Variants in ASCC2 observed in about 807,000 individuals in gnomAD.
ASCC2 encodes the protein ASC-1 complex subunit P100.
In ASCC2, 42 loss-of-function variants were observed where a neutral mutation model predicts 93.5. The observed-to-expected ratio is 0.45, with a 90% CI of 0.35 to 0.58. The LOEUF is 0.58. Ranked by LOEUF, ASCC2 falls within the 20% of genes least tolerant of loss-of-function variation. The probability of loss-of-function intolerance (pLI) is 0.00; values close to 1 mark genes in which losing one functional copy is unlikely to be tolerated. For synonymous variants in ASCC2, 364 were observed against 384.2 expected (o/e 0.95, Z 0.62); for missense variants, 859 against 977.6 (o/e 0.88, Z 1.62).
chr22:29,821,379 G>A (rs2061535854), intron 5 of ASCC2, among the ~76,000 whole-genome samples: 2 of 152,232 alleles, frequency 1.3e-5, no homozygotes, highest in African/African-American at 4.8e-5. Flanking sequence ...GAAGCAGGGA[G>A]TTGCAGAGCA....
intron 9 of ASCC2, among the ~76,000 whole-genome samples, chr22:29,807,796 C>A (rs1054980603): frequency 4.6e-5 from 7 of 152,082 alleles, no homozygotes; most frequent in Non-Finnish European, 1.0e-4. Flanking sequence ...ATAATCCCAG[C>A]TACTCGGGAG....
chr22:29,808,872 A>G (rs974440700), intron 8 of ASCC2, among the ~76,000 whole-genome samples: 3 of 151,648 alleles, frequency 2.0e-5, no homozygotes, highest in African/African-American at 7.3e-5. Flanking sequence ...TAATCCTAGC[A>G]CTCTGGGAGA....
At position 29,789,143 on chromosome 22, in the gene ASCC2, C is replaced by T. The variant is rs746904268; in HGVS notation, c.2144G>A (p.Arg715Gln). Residue 715 changes from arginine to glutamine, a missense_variant, in exon 20 of 20, where the codon CGA (arginine) becomes CAA (glutamine). Physicochemically the swap from Arg to Gln is conservative, Grantham distance 43. Coordinates refer to ENST00000307790, the MANE Select transcript of ASCC2 (RefSeq NM_032204.5). ...TGTCTCGCGGCTCTGCCCATGGCCT[C>T]GGGGGCTGCCGGCCACTGCTGTTGA... ...DSSTAVAGSP[R>Q]GHGQSRETTQ... 8.1e-6 allele frequency: 13 copies of T among 1,614,146 alleles called. No homozygotes were observed. The highest frequency in any genetic ancestry group is 3.3e-5 in the South Asian group (3 of 91,090).
At chr22:29,790,395 T>G (rs2068857701) in intron 19 of ASCC2, 74 bp downstream of exon 19, 2 of 1,516,174 alleles carry the variant, frequency 1.3e-6, no homozygotes, top group Admixed American at 3.4e-5. Flanking sequence ...ACGTGTGGGT[T>G]TCCTGGGTGG....
At position 29,788,887 on chromosome 22, in the gene ASCC2, C is replaced by T; in HGVS notation, c.*126G>A. 1 of 1,210,522 alleles carries T rather than the reference C, an allele frequency of 8.3e-7. No individual in the cohort carries two copies. The highest frequency in any genetic ancestry group is 1.2e-6 in the Non-Finnish European group (1 of 849,632). 75.0% of individuals were successfully genotyped at this position (1,210,522 alleles called of 1,614,324 possible). ...AGATGAGAGGCGGCCTTCTCAGGGG[C>T]TGCAAAGCTGAGGCTGTTGAGGGGT... On this transcript the variant is annotated 3_prime_UTR_variant, in exon 20 of 20. Coordinates refer to ENST00000307790, the MANE Select transcript of ASCC2 (RefSeq NM_032204.5).
intron 15 of ASCC2, among the ~76,000 whole-genome samples, chr22:29,797,312 C>T (rs1370492831): frequency 6.6e-6 from 1 of 152,196 alleles, no homozygotes; most frequent in Non-Finnish European, 1.5e-5. Context: ...TCTCCTCAAG[C>T]CTGTCCTTCA....
intron 15 of ASCC2, among the ~76,000 whole-genome samples, chr22:29,795,656 C>T (rs973020740): frequency 2.0e-5 from 3 of 152,158 alleles, no homozygotes; most frequent in African/African-American, 4.8e-5. Flanking sequence ...ACTCTGGTCA[C>T]GTTACAGGTG....
At chr22:29,822,033 C>G (rs1287895939) in intron 5 of ASCC2, 1 of 401,712 alleles carries the variant, frequency 2.5e-6, no homozygotes, top group East Asian at 7.2e-5. Flanking sequence ...CTTGCTCCAT[C>G]TCAAACACTG....
intron 8 of ASCC2, chr22:29,809,952 T>C (rs1335408316): frequency 1.3e-5 from 2 of 152,152 alleles, no homozygotes; most frequent in African/African-American, 2.4e-5. Flanking sequence ...TGTCACGGTA[T>C]ACAGCCAATC....
At chr22:29,812,396 A>G (rs2060375441) in intron 8 of ASCC2, among the ~76,000 whole-genome samples, 1 of 152,194 alleles carries the variant, frequency 6.6e-6, no homozygotes, top group African/African-American at 2.4e-5. Flanking sequence ...CACAAGCAAC[A>G]GATACTCTTG....
intron 5 of ASCC2, among the ~76,000 whole-genome samples, chr22:29,821,592 C>T (rs997811110): frequency 2.6e-5 from 4 of 152,250 alleles, no homozygotes; most frequent in East Asian, 1.9e-4. Context: ...GCCAGGTCCC[C>T]GGAACACTCT....
chr22:29,822,456 G>A lies in ASCC2; in HGVS notation c.420C>T (p.Phe140=), dbSNP rs1188867003. Residue 140 remains phenylalanine (F), a synonymous_variant, in exon 5 of 20, where the codon TTC becomes TTT. Transcript: ENST00000307790. ...MSTHKESKDH[F]ISPSAFGEIL... is the part of the protein sequence containing the mutation. Reference sequence around the variant, plus strand: ...TTTCTCCAAACGCAGAAGGGGAAATGAAGTGATCCTAAGGAAAAATGCAGA... The same window carrying A: ...TTTCTCCAAACGCAGAAGGGGAAATAAAGTGATCCTAAGGAAAAATGCAGA... 1 of 1,613,610 alleles carries A rather than the reference G, an allele frequency of 6.2e-7. No individual in the cohort carries two copies. The highest frequency in any genetic ancestry group is 8.5e-7 in the Non-Finnish European group (1 of 1,179,844).
At chr22:29,809,865 A>C (rs1331105379) in intron 8 of ASCC2, 1 of 152,136 alleles carries the variant, frequency 6.6e-6, no homozygotes, top group Non-Finnish European at 1.5e-5. Flanking sequence ...AAAAAAAACA[A>C]AAGAAAAACA....
rs765501010 is a variant in ASCC2, at chr22:29,814,731, C to A, written c.646G>T (p.Gly216Trp). The A allele has an allele frequency of 6.2e-7, 1 of 1,609,478 alleles. No individual in the cohort carries two copies. The highest frequency in any genetic ancestry group is 1.7e-5 in the Admixed American group (1 of 59,374). Residue 216 changes from glycine to tryptophan, a missense_variant, in exon 7 of 20, where the codon GGG (glycine) becomes TGG (tryptophan). Coordinates refer to ENST00000307790, the MANE Select transcript of ASCC2 (RefSeq NM_032204.5). ...SNILQHCGLQ[G>W]DGANTTPQKL... The stretch of plus-strand genomic sequence containing the variant: ...TGGGGTGTGGTATTGGCCCCGTCCC[C>A]TTGCAAACCACAGTGCTGGAGGATA...
At chr22:29,815,174 G>A (rs555911069) in intron 6 of ASCC2, 2 of 196,372 alleles carry the variant, frequency 1.0e-5, no homozygotes, top group Middle Eastern at 2.0e-3. Flanking sequence ...GTGTGTACCT[G>A]TAATCCCAGC....
intron 8 of ASCC2, among the ~76,000 whole-genome samples, chr22:29,811,561 G>A (rs1227894249): frequency 2.0e-5 from 3 of 152,238 alleles, no homozygotes; most frequent in African/African-American, 4.8e-5. Context: ...CTGGAGAACT[G>A]AGGTGGCTGT....
rs569370472 is a variant in ASCC2 at position 29,828,499 on chromosome 22, A to G, written c.82-2719T>C. On this transcript the variant is annotated intron_variant, in intron 2 of 19. Transcript: ENST00000307790. ...AAAGAGGCAACTGAGGCAGGATTTG[A>G]GCCAAAGCTTACACTGCAGACCTAT... Among the ~76,000 whole-genome samples the G allele has an allele frequency of 2.0e-5, 3 of 152,294 alleles. No individual in the cohort carries two copies. In the South Asian group the frequency reaches 6.2e-4, roughly 32 times the overall value.
At chr22:29,799,569 G>T (rs1456136842) in intron 15 of ASCC2, among the ~76,000 whole-genome samples, 1 of 152,210 alleles carries the variant, frequency 6.6e-6, no homozygotes, top group Non-Finnish European at 1.5e-5. Flanking sequence ...AGGCTGGCTG[G>T]TCTCCTCCCT....
rs141929187 is a variant in ASCC2 at position 29,806,260 on chromosome 22, G to C, written c.1116C>G (p.Pro372=). The change falls in exon 12 of 20, where the codon CCC becomes CCG. Residue 372 remains proline, a synonymous_variant. Coordinates refer to ENST00000307790, the MANE Select transcript of ASCC2 (RefSeq NM_032204.5). The stretch of plus-strand genomic sequence containing the variant: ...GCAGCAAGCTGATGTCTTCGGCCAC[G>C]GGGAAGAGTGCATCATAGTCCCGGA... ...RFLRDYDALF[P]VAEDISLLQQ... is the part of the protein sequence containing the mutation. 1 of 1,614,164 alleles carries C rather than the reference G, an allele frequency of 6.2e-7. No homozygotes were observed.
Sources: allele counts gnomAD v4.1 joint callset (sites outside exome capture counted in the v4.1 genomes callset), GRCh38; gene constraint gnomAD v4.1.1; transcripts MANE v1.5; gene names NCBI Gene and HGNC (gene_info 2026-07-23, HGNC 2026-07-21).